AFF2: variants seen among roughly 807,000 people sequenced by gnomAD.
AFF2 encodes the protein ALF transcription elongation factor 2, also known as AF4/FMR2 family member 2.
AFF2 carries 14 observed loss-of-function variants against 76.9 expected under a neutral mutation model. That is an observed-to-expected ratio of 0.18 (90% CI 0.12 to 0.28). AFF2 has a LOEUF of 0.28. Ranked by LOEUF, AFF2 falls within the 10% of genes least tolerant of loss-of-function variation. The pLI is 1.00. For missense variants in AFF2, 868 were observed against 1,001.1 expected (o/e 0.87, Z 1.79); for synonymous variants, 398 against 366.7 (o/e 1.09, Z -0.98).
At chrX:148,819,601 G>A (rs928439114) in intron 4 of AFF2, among the ~76,000 whole-genome samples, 5 of 110,657 alleles carry the variant, frequency 4.5e-5, no homozygotes, top group Non-Finnish European at 7.6e-5. Flanking sequence ...ATTTTCTCTC[G>A]GGCTGTGGCT....
In AFF2 at chrX:148,890,319, C is replaced by T. The variant is rs1271043935; in HGVS notation, c.1359+4334C>T. 3.6e-5 allele frequency among the ~76,000 whole-genome samples: 4 copies of T among 112,073 alleles called. No individual in the cohort carries two copies. In the East Asian group the frequency reaches 1.1e-3, roughly 32 times the overall value. On this transcript the variant is annotated intron_variant, in intron 8 of 20. Coordinates refer to ENST00000370460, the MANE Select transcript of AFF2 (RefSeq NM_002025.4). ...CTCTTACCAGTAGACTGGAATAAAC[C>T]AGCCTTGTCTAACTCATGGAGTACT... is the stretch of plus-strand genomic sequence containing the variant.
At chrX:148,953,425 G>C (rs1314230110) in intron 9 of AFF2, among the ~76,000 whole-genome samples, 155 bp from the exon 10 acceptor site, 1 of 111,770 alleles carries the variant, frequency 8.9e-6, no homozygotes, top group Non-Finnish European at 1.9e-5. Context: ...CAGTCACTGG[G>C]CCTCCTAAGC....
At chrX:148,883,473 G>A (rs987425855) in intron 7 of AFF2, among the ~76,000 whole-genome samples, 6 of 111,466 alleles carry the variant, frequency 5.4e-5, no homozygotes, top group African/African-American at 2.0e-4. Context: ...TGGAACCAAA[G>A]TGTTATCCCA....
At chrX:148,501,262 A>G (rs1473693334) in intron 1 of AFF2, 118 bp downstream of exon 1, 1 of 938,059 alleles carries the variant, frequency 1.1e-6, no homozygotes, top group African/African-American at 1.9e-5. Flanking sequence ...ACTCCCTCCC[A>G]CTTGCTCTCA....
At chrX:148,529,367 A>G (rs1557235581) in intron 1 of AFF2, among the ~76,000 whole-genome samples, 3 of 112,110 alleles carry the variant, frequency 2.7e-5, no homozygotes, top group African/African-American at 9.7e-5. Flanking sequence ...GAGAGCATCT[A>G]TCAGGCACCT....
chrX:148,850,911 C>A (rs1209322301), intron 7 of AFF2, among the ~76,000 whole-genome samples: 1 of 112,007 alleles, frequency 8.9e-6, no homozygotes, highest in Non-Finnish European at 1.9e-5. Flanking sequence ...AGGGCCAGAA[C>A]TCATCAGAGT....
chrX:148,614,734 C>CTTTCTTTCTTTCT (rs1569552164), intron 1 of AFF2, among the ~76,000 whole-genome samples: 1 of 41,327 alleles, frequency 2.4e-5, no homozygotes, highest in African/African-American at 1.1e-4. Flanking sequence ...TCTTTCTTTC[C>CTTTCTTTCTTTCT]TTCTTTTCTT....
intron 7 of AFF2, among the ~76,000 whole-genome samples, chrX:148,858,345 C>T (rs782613219): frequency 9.0e-6 from 1 of 111,436 alleles, no homozygotes; most frequent in Non-Finnish European, 1.9e-5. Flanking sequence ...TAGATGTTTT[C>T]CCACTTGAAG....
Position 148,972,030 on chromosome X carries a change from T to A in AFF2, c.3268-1441T>A, listed in dbSNP as rs1487406589. 8.7e-3 allele frequency among the ~76,000 whole-genome samples: 89 copies of A among 10,258 alleles called. 5 individuals are homozygous for A. The highest frequency in any genetic ancestry group is 0.081 in the Admixed American group (71 of 874). 8.9% of individuals were successfully genotyped at this position (10,258 alleles called of 115,157 possible). On this transcript the variant is annotated intron_variant, in intron 15 of 20. Coordinates refer to ENST00000370460, the MANE Select transcript of AFF2 (RefSeq NM_002025.4). ...TGAGTGAGAATATGCGGTGTTTGGT[T>A]TTTTGTTCTTGCGATAGTTTACTGA...
intron 3 of AFF2, among the ~76,000 whole-genome samples, chrX:148,800,227 T>C (rs2070039173): frequency 8.9e-6 from 1 of 112,009 alleles, no homozygotes; most frequent in Non-Finnish European, 1.9e-5. Flanking sequence ...TCTGTTTCTG[T>C]GGAATTTCAG....
At chrX:148,655,847 T>C (rs1370441587) in intron 2 of AFF2, among the ~76,000 whole-genome samples, 1 of 111,129 alleles carries the variant, frequency 9.0e-6, no homozygotes, top group African/African-American at 3.3e-5. Flanking sequence ...AGCTGGCCCA[T>C]GGTCCACTGG....
At chrX:148,933,044 T>C (rs1335252355) in intron 9 of AFF2, among the ~76,000 whole-genome samples, 1 of 112,066 alleles carries the variant, frequency 8.9e-6, no homozygotes, top group Non-Finnish European at 1.9e-5. Context: ...GTGCTAGAGA[T>C]GGATGAGTTA....
chrX:148,908,018 G>C (rs782779378), intron 9 of AFF2, among the ~76,000 whole-genome samples: 6 of 111,804 alleles, frequency 5.4e-5, no homozygotes, highest in African/African-American at 1.6e-4. Context: ...TCTCCCATTT[G>C]CTTTTGAAAG....
chrX:148,957,881 G>A (rs1365854667), intron 11 of AFF2, among the ~76,000 whole-genome samples: 2 of 112,328 alleles, frequency 1.8e-5, no homozygotes, highest in Admixed American at 9.4e-5. Context: ...TTTGAACGTG[G>A]TTCATTTCCT....
chrX:148,809,575 G>A (rs937053995), intron 3 of AFF2, among the ~76,000 whole-genome samples: 2 of 111,777 alleles, frequency 1.8e-5, no homozygotes, highest in Non-Finnish European at 3.8e-5. Context: ...TAAAGATCAC[G>A]AGATCAAGCT....
chrX:148,788,509 C>T (rs1557269717), intron 3 of AFF2, among the ~76,000 whole-genome samples: 1 of 112,164 alleles, frequency 8.9e-6, no homozygotes, highest in Non-Finnish European at 1.9e-5. Context: ...CAAGTCTGTG[C>T]ACCTTCCCAC....
chrX:148,975,021 G>A (rs977621296), intron 16 of AFF2, among the ~76,000 whole-genome samples: 4 of 111,664 alleles, frequency 3.6e-5, no homozygotes, highest in African/African-American at 3.3e-5. Flanking sequence ...TTAAAACAAG[G>A]CACTTTTTAA....
intron 3 of AFF2, among the ~76,000 whole-genome samples, chrX:148,743,999 A>G (rs1480619786): frequency 1.8e-5 from 2 of 111,078 alleles, no homozygotes; most frequent in African/African-American, 6.5e-5. Context: ...ATATGTTACT[A>G]TTTTCTACCA....
At chrX:148,756,396 TTAACTGTGCTTTC>T (rs2055561473) in intron 3 of AFF2, among the ~76,000 whole-genome samples, 1 of 112,491 alleles carries the variant, frequency 8.9e-6, no homozygotes, top group African/African-American at 3.2e-5. Flanking sequence ...TATGAAAGAC[TTAACTGTGCTTTC>T]CATTTTGCTG....
Sources: allele counts gnomAD v4.1 joint callset (sites outside exome capture counted in the v4.1 genomes callset), GRCh38; gene constraint gnomAD v4.1.1; transcripts MANE v1.5; gene names NCBI Gene and HGNC (gene_info 2026-07-23, HGNC 2026-07-21).